The following GABRB1 variants were observed in gnomAD, a reference collection of about 807,000 sequenced individuals.
GABRB1 encodes the protein gamma-aminobutyric acid type A receptor subunit beta1, also known as gamma-aminobutyric acid receptor subunit beta-1.
A neutral mutation model predicts 51.6 loss-of-function variants in GABRB1; 17 were observed. The observed-to-expected ratio is 0.33, with a 90% confidence interval of 0.23 to 0.49. The LOEUF (loss-of-function observed/expected upper bound fraction) is 0.49. Ranked by LOEUF, GABRB1 falls within the 20% of genes least tolerant of loss-of-function variation. The pLI is 0.99. For synonymous variants in GABRB1, 247 were observed against 218.9 expected (o/e 1.13, Z -1.14); for missense variants, 410 against 600.6 (o/e 0.68, Z 3.32).
chr4:47,192,673 G>T (rs1227281324), intron 4 of GABRB1, among the ~76,000 whole-genome samples: 8 of 152,148 alleles, frequency 5.3e-5, no homozygotes, highest in African/African-American at 1.7e-4. Flanking sequence ...ACTATGCATT[G>T]CAGTCCCACA....
At chr4:47,217,420 T>C (rs528517558) in intron 4 of GABRB1, among the ~76,000 whole-genome samples, 2 of 151,856 alleles carry the variant, frequency 1.3e-5, no homozygotes, top group Admixed American at 6.6e-5. Flanking sequence ...ACCTGAGCTT[T>C]TAAGTGATGA....
rs200174291 is a variant in GABRB1 at position 47,263,499 on chromosome 4, C to T, written c.462-56628C>T. On this transcript the variant is annotated intron_variant, in intron 4 of 8. Transcript: ENST00000295454. ...TCCAGGACTTCACTGTGAAGGCTTC[C>T]TAAATATCAAACCACTAAATCATTT... is the stretch of plus-strand genomic sequence containing the variant. 5.9e-5 allele frequency among the ~76,000 whole-genome samples: 9 copies of T among 152,202 alleles called. No homozygotes were observed. The East Asian group carries it at 1.7e-3, about 29-fold the overall frequency.
At chr4:47,131,422 TGCTGGGATTACC>T in intron 3 of GABRB1, among the ~76,000 whole-genome samples, 1 of 152,198 alleles carries the variant, frequency 6.6e-6, no homozygotes, top group Non-Finnish European at 1.5e-5. Context: ...CCTCCCAAAG[TGCTGGGATTACC>T]GGTGTGAGCC....
intron 8 of GABRB1, among the ~76,000 whole-genome samples, chr4:47,419,749 A>T (rs1729039244): frequency 6.6e-6 from 1 of 152,212 alleles, no homozygotes; most frequent in South Asian, 2.1e-4. Context: ...GAATGCATGA[A>T]CTACTATTAA....
chr4:47,080,551 A>C (rs1462454540), intron 3 of GABRB1, among the ~76,000 whole-genome samples: 1 of 152,116 alleles, frequency 6.6e-6, no homozygotes, highest in Non-Finnish European at 1.5e-5. Context: ...TAAGTAACTC[A>C]AGTTCTTTTT....
intron 3 of GABRB1, among the ~76,000 whole-genome samples, chr4:47,122,037 T>A (rs1305546974): frequency 1.3e-5 from 2 of 152,004 alleles, no homozygotes; most frequent in Non-Finnish European, 2.9e-5. Flanking sequence ...GATATCTATA[T>A]CCTTAACTCC....
In GABRB1 at chr4:47,062,485, A is replaced by G. The variant is rs374106172; in HGVS notation, c.240+30001A>G. Among the ~76,000 whole-genome samples, 10 of 151,672 alleles carry G rather than the reference A, an allele frequency of 6.6e-5. No homozygotes were observed. The South Asian group carries it at 1.2e-3, about 19-fold the overall frequency. On this transcript the variant is annotated intron_variant, in intron 3 of 8. Transcript: ENST00000295454. ...TTTAAATGTTAACTTGTAACAATTC[A>G]GTAAAACAGATTAGGCAATTTATTT...
At chr4:47,401,219 T>C (rs9992306) in intron 5 of GABRB1, among the ~76,000 whole-genome samples, 15,620 of 152,230 alleles carry the variant, frequency 0.1, 882 homozygotes, top group East Asian at 0.3. Flanking sequence ...AGTAGTGGGA[T>C]TGCTAAATCG....
intron 3 of GABRB1, among the ~76,000 whole-genome samples, chr4:47,057,495 T>C (rs921994981): frequency 6.6e-6 from 1 of 152,196 alleles, no homozygotes; most frequent in African/African-American, 2.4e-5. Flanking sequence ...TCTAGCACAT[T>C]TAGTGCTTAG....
At chr4:47,079,041 G>A (rs937726522) in intron 3 of GABRB1, among the ~76,000 whole-genome samples, 11 of 152,154 alleles carry the variant, frequency 7.2e-5, no homozygotes, top group Non-Finnish European at 1.2e-4. Flanking sequence ...TTCTTGTGTC[G>A]ATGTTCATCA....
At chr4:47,170,104 T>G (rs1342604872) in intron 4 of GABRB1, among the ~76,000 whole-genome samples, 1 of 152,080 alleles carries the variant, frequency 6.6e-6, no homozygotes, top group Non-Finnish European at 1.5e-5. Flanking sequence ...TGGAAATGAG[T>G]CTAATGTTAA....
intron 4 of GABRB1, among the ~76,000 whole-genome samples, chr4:47,193,650 T>A (rs1222525610): frequency 6.6e-6 from 1 of 152,348 alleles, no homozygotes; most frequent in East Asian, 1.9e-4. Context: ...GCTGAAGGTA[T>A]TATCTAAATC....
At chr4:47,014,907 T>C (rs1020688637) in intron 1 of GABRB1, among the ~76,000 whole-genome samples, 6 of 152,148 alleles carry the variant, frequency 3.9e-5, no homozygotes, top group South Asian at 2.1e-4. Context: ...TATTTATTTA[T>C]TTATTTATTT....
At chr4:47,135,802 T>TA (rs531727463) in intron 3 of GABRB1, among the ~76,000 whole-genome samples, 12 of 151,520 alleles carry the variant, frequency 7.9e-5, no homozygotes, top group South Asian at 6.3e-4. Flanking sequence ...TTTCCTGACT[T>TA]AAAAAAAAAC....
chr4:47,104,095 A>G (rs921013195), intron 3 of GABRB1, among the ~76,000 whole-genome samples: 4 of 151,812 alleles, frequency 2.6e-5, no homozygotes, highest in Non-Finnish European at 5.9e-5. Flanking sequence ...GTGGTAATAA[A>G]TTCTCTGCAC....
At chr4:47,362,697 G>T (rs1726850041) in intron 5 of GABRB1, among the ~76,000 whole-genome samples, 3 of 152,102 alleles carry the variant, frequency 2.0e-5, no homozygotes, top group Admixed American at 2.0e-4. Flanking sequence ...TGTTGCTGAG[G>T]AAGTAAAAGG....
At chr4:47,220,994 C>T (rs1475795739) in intron 4 of GABRB1, among the ~76,000 whole-genome samples, 1 of 151,970 alleles carries the variant, frequency 6.6e-6, no homozygotes, top group African/African-American at 2.4e-5. Context: ...GACGTTACCA[C>T]CTTTGATGTA....
At chr4:47,018,759 G>A (rs1724823580) in intron 1 of GABRB1, among the ~76,000 whole-genome samples, 1 of 152,118 alleles carries the variant, frequency 6.6e-6, no homozygotes, top group Non-Finnish European at 1.5e-5. Flanking sequence ...AAGTGGAAGT[G>A]GATCATCCTA....
At chr4:47,015,067 C>A (rs945201759) in intron 1 of GABRB1, among the ~76,000 whole-genome samples, 1 of 152,142 alleles carries the variant, frequency 6.6e-6, no homozygotes, top group African/African-American at 2.4e-5. Flanking sequence ...CCACCACACC[C>A]GGCTAATTTT....
Sources: allele counts gnomAD v4.1 joint callset (sites outside exome capture counted in the v4.1 genomes callset), GRCh38; gene constraint gnomAD v4.1.1; transcripts MANE v1.5; gene names NCBI Gene and HGNC (gene_info 2026-07-23, HGNC 2026-07-21).